Variants in NRCAM observed in about 807,000 individuals in gnomAD.
NRCAM encodes NgCAM-related cell adhesion molecule.
A neutral mutation model predicts 156.5 loss-of-function variants in NRCAM; 83 were observed. The ratio of observed to expected loss-of-function variants is 0.53; its 90% CI spans 0.44 to 0.64. The LOEUF is 0.64. Among genes scored for constraint, NRCAM ranks in the 30% least tolerant of loss-of-function variants. The pLI, the probability that NRCAM is intolerant of heterozygous loss-of-function variation, is 0.00. For synonymous variants in NRCAM, 538 were observed against 563.9 expected (o/e 0.95, Z 0.65); for missense variants, 1,417 against 1,597.3 (o/e 0.89, Z 1.92).
At position 108,160,378 on chromosome 7, in the gene NRCAM, T is replaced by A. The variant is rs1563190787; in HGVS notation, c.3581A>T (p.Lys1194Met). 5.0e-6 allele frequency: 8 copies of A among 1,613,500 alleles called. No individual in the cohort carries two copies. Among genetic ancestry groups the A allele is most frequent in the Non-Finnish European group, 5.9e-6 (7 of 1,179,550 alleles). Residue 1194 changes from lysine to methionine, a missense_variant, in exon 31 of 33, where the codon AAG becomes ATG. This residue lies in a region of NRCAM where 179 missense variants were observed against 260.9 expected (regional missense o/e 0.69). Coordinates refer to ENST00000379028, the MANE Select transcript of NRCAM (RefSeq NM_001037132.4). The part of the protein sequence containing the change: ...LLIVCFIRRN[K>M]GGKYPVKEKE... The stretch of plus-strand genomic sequence containing the variant: ...TTTCTTACCTGGATATTTACCACCC[T>A]TGTTTCTTCTGATGAAGCAAACAAT...
At chr7:108,385,351 G>A (rs1337076194) in intron 2 of NRCAM, among the ~76,000 whole-genome samples, 5 of 152,162 alleles carry the variant, frequency 3.3e-5, no homozygotes, top group East Asian at 1.9e-4. Context: ...TAAGTGTAAC[G>A]GAGACGGGTG....
chr7:108,373,011 A>C (rs2099638920), intron 2 of NRCAM, among the ~76,000 whole-genome samples: 1 of 152,158 alleles, frequency 6.6e-6, no homozygotes, highest in South Asian at 2.1e-4. Context: ...AATACTGTTC[A>C]GCCTTAAAAA....
intron 2 of NRCAM, among the ~76,000 whole-genome samples, chr7:108,381,381 G>A (rs767379176): frequency 2.6e-5 from 4 of 152,034 alleles, no homozygotes; most frequent in African/African-American, 4.8e-5. Context: ...AAACTGCATA[G>A]TCTAATTATA....
chr7:108,384,992 C>G (rs1231474955), intron 2 of NRCAM, among the ~76,000 whole-genome samples: 3 of 152,158 alleles, frequency 2.0e-5, no homozygotes, highest in Admixed American at 1.3e-4. Flanking sequence ...TGATCACCAT[C>G]ATGTAAAATA....
intron 2 of NRCAM, among the ~76,000 whole-genome samples, chr7:108,365,554 TA>T (rs1175626899): frequency 6.6e-6 from 1 of 152,186 alleles, no homozygotes; most frequent in Non-Finnish European, 1.5e-5. Flanking sequence ...AAATCTAAGA[TA>T]ATATGAAAAA....
At chr7:108,234,459 A>G in intron 6 of NRCAM, 124 bp downstream of exon 6, 1 of 647,012 alleles carries the variant, frequency 1.5e-6, no homozygotes. Context: ...GAAATATCCA[A>G]CTGAAAAAGG....
chr7:108,327,226 T>C (rs1445440696), intron 2 of NRCAM, among the ~76,000 whole-genome samples: 1 of 152,196 alleles, frequency 6.6e-6, no homozygotes, highest in Admixed American at 6.5e-5. Flanking sequence ...GCTTGAGGCA[T>C]GCTGCTCAGT....
At chr7:108,287,821 G>A (rs1056852129) in intron 3 of NRCAM, among the ~76,000 whole-genome samples, 1 of 151,790 alleles carries the variant, frequency 6.6e-6, no homozygotes, top group Non-Finnish European at 1.5e-5. Context: ...ATTTTGCAAG[G>A]AACTAAAAAT....
chr7:108,413,397 G>A (rs1364425967), intron 1 of NRCAM, among the ~76,000 whole-genome samples: 1 of 152,070 alleles, frequency 6.6e-6, no homozygotes. Context: ...TTATTGAGTT[G>A]TTTCAGTTCC....
At chr7:108,225,586 T>A in intron 10 of NRCAM, 59 bp downstream of exon 10, 2 of 996,082 alleles carry the variant, frequency 2.0e-6, no homozygotes, top group Non-Finnish European at 3.2e-6. Flanking sequence ...GGAGGTGAAG[T>A]TAGTGAACTA....
intron 2 of NRCAM, among the ~76,000 whole-genome samples, chr7:108,374,298 G>C (rs1006470195): frequency 6.6e-6 from 1 of 152,092 alleles, no homozygotes; most frequent in African/African-American, 2.4e-5. Flanking sequence ...ACTTGATGAG[G>C]AACAACTGAT....
intron 2 of NRCAM, among the ~76,000 whole-genome samples, chr7:108,394,126 A>G (rs934574697): frequency 1.3e-5 from 2 of 152,208 alleles, no homozygotes; most frequent in Admixed American, 6.5e-5. Context: ...TTGAATGCAC[A>G]TGGGCCTGGG....
intron 1 of NRCAM, among the ~76,000 whole-genome samples, chr7:108,407,911 C>T (rs747067420): frequency 1.3e-4 from 20 of 152,280 alleles, no homozygotes; most frequent in Middle Eastern, 3.4e-3. Flanking sequence ...CCAAAGCCCA[C>T]AATTGAGATT....
rs572120720 is a variant in NRCAM, at chr7:108,204,110, C to T, written c.1207+3418G>A. 3.9e-5 allele frequency among the ~76,000 whole-genome samples: 6 copies of T among 152,302 alleles called. No homozygotes were observed. In the South Asian group the frequency reaches 1.2e-3, roughly 32 times the overall value. The stretch of plus-strand genomic sequence containing the variant: ...CTGGTGCTCCGTTTCCAGGATGGTC[C>T]CTAACCCTCAAAGGCAATTCCCTTC... On this transcript the variant is annotated intron_variant, in intron 13 of 32. Coordinates refer to ENST00000379028, the MANE Select transcript of NRCAM (RefSeq NM_001037132.4).
chr7:108,209,523 A>C lies in NRCAM; in HGVS notation c.973T>G (p.Leu325Val). The change falls in exon 12 of 33, where the codon TTG (leucine) becomes GTG (valine). Residue 325 changes from leucine (L) to valine (V), a missense_variant. Leu to Val is a conservative substitution (Grantham distance 32, BLOSUM62 1). Transcript: ENST00000379028. ...RTVYKNFEKT[L>V]QIIHVSEADS... ...GCTTCTGAAACATGAATGATCTGCAAGGTTTTCTCAAAGTTCTTATAAACT... is the reference window on the plus strand; with the variant it reads ...GCTTCTGAAACATGAATGATCTGCACGGTTTTCTCAAAGTTCTTATAAACT... 6.2e-7 allele frequency: 1 copy of C among 1,612,418 alleles called. No individual in the cohort carries two copies. The highest frequency in any genetic ancestry group is 2.2e-5 in the East Asian group (1 of 44,792).
rs751403924 is a variant in NRCAM at position 108,164,733 on chromosome 7, C to T, written c.3466+2188G>A. 1.1e-4 allele frequency among the ~76,000 whole-genome samples: 16 copies of T among 152,066 alleles called. No homozygotes were observed. In the East Asian group the frequency reaches 2.7e-3, roughly 26 times the overall value. ...TGCTGGCAGCATTTGCTCTTACAGGCGATGTGTTAACTAAGGTCACTAGAG... is the reference window on the plus strand; with the variant it reads ...TGCTGGCAGCATTTGCTCTTACAGGTGATGTGTTAACTAAGGTCACTAGAG... On this transcript the variant is annotated intron_variant, in intron 30 of 32. Transcript: ENST00000379028.
rs78466918 is a variant in NRCAM at position 108,451,822 on chromosome 7, T to C, written c.-332+4421A>G. 5.2e-3 allele frequency among the ~76,000 whole-genome samples: 799 copies of C among 152,300 alleles called. 9 individuals carry two copies. The highest frequency in any genetic ancestry group is 0.019 in the African/African-American group (770 of 41,550). Reference sequence around the variant, plus strand: ...AGGGGTTATGAACTATTGTTTAATGTGTACAGAGTTACAATTTGGGAAGGC... The same window carrying C: ...AGGGGTTATGAACTATTGTTTAATGCGTACAGAGTTACAATTTGGGAAGGC... On this transcript the variant is annotated intron_variant, in intron 1 of 32. Transcript: ENST00000379028.
At chr7:108,185,428 CT>C (rs2066070817) in intron 20 of NRCAM, among the ~76,000 whole-genome samples, 1 of 152,164 alleles carries the variant, frequency 6.6e-6, no homozygotes. Context: ...CAATGGAATA[CT>C]CTGAAGCTGT....
intron 3 of NRCAM, 132 bp downstream of exon 3, chr7:108,312,533 T>C (rs1424579218): frequency 1.3e-5 from 2 of 152,182 alleles, no homozygotes; most frequent in Non-Finnish European, 2.9e-5. Context: ...GTTTCTACTC[T>C]CTGTCTTTTA....
Sources: allele counts gnomAD v4.1 joint callset (sites outside exome capture counted in the v4.1 genomes callset), GRCh38; gene constraint gnomAD v4.1.1; regional missense constraint gnomAD v4.1.1; transcripts MANE v1.5; gene names NCBI Gene and HGNC (gene_info 2026-07-23, HGNC 2026-07-21).